The following KANSL1L variants were observed in gnomAD, a reference collection of about 807,000 sequenced individuals.
The protein encoded by KANSL1L is KAT8 regulatory NSL complex subunit 1 like, also known as KAT8 regulatory NSL complex subunit 1-like protein.
KANSL1L carries 25 observed loss-of-function variants against 108.6 expected under a neutral mutation model. That is an observed-to-expected ratio of 0.23 (90% CI 0.17 to 0.32). KANSL1L has a LOEUF of 0.32. Among genes scored for constraint, KANSL1L ranks in the 10% least tolerant of loss-of-function variants. The pLI, the probability that KANSL1L is intolerant of heterozygous loss-of-function variation, is 1.00. For missense variants in KANSL1L, 1,137 were observed against 1,125.7 expected (o/e 1.01, Z -0.14); for synonymous variants, 405 against 395.1 (o/e 1.03, Z -0.30).
chr2:210,151,760 A>G (rs1252128931), intron 2 of KANSL1L: 1 of 152,230 alleles, frequency 6.6e-6, no homozygotes, highest in Non-Finnish European at 1.5e-5. Context: ...GCCAGCCAGA[A>G]AAATAATCTG....
intron 10 of KANSL1L, 92 bp from the exon 11 acceptor site, chr2:210,029,061 C>T (rs1414103297): frequency 3.9e-5 from 42 of 1,071,774 alleles, no homozygotes; most frequent in African/African-American, 6.6e-5. Flanking sequence ...TGGCAGTACA[C>T]GTTACATAAT....
At chr2:210,116,046 G>A (rs1028301464) in intron 3 of KANSL1L, among the ~76,000 whole-genome samples, 6 of 152,202 alleles carry the variant, frequency 3.9e-5, no homozygotes, top group East Asian at 3.9e-4. Context: ...CTGGTCCAGA[G>A]GGGAGCCCAC....
At chr2:210,043,498 C>T (rs2723214) in intron 7 of KANSL1L, 57,904 of 153,384 alleles carry the variant, frequency 0.38, 12,669 homozygotes, top group Middle Eastern at 0.55. Flanking sequence ...CTTATAGGTA[C>T]GCAGTTTTCT....
chr2:210,101,391 C>T (rs1185366729), intron 4 of KANSL1L, among the ~76,000 whole-genome samples: 5 of 152,026 alleles, frequency 3.3e-5, no homozygotes, highest in African/African-American at 1.2e-4. Context: ...CTGGGGATAT[C>T]AAGGAGAAAG....
chr2:210,041,280 A>C (rs2094161061), intron 7 of KANSL1L, among the ~76,000 whole-genome samples: 1 of 152,212 alleles, frequency 6.6e-6, no homozygotes, highest in Non-Finnish European at 1.5e-5. Flanking sequence ...CATCTTAAAA[A>C]GCATTTATTA....
intron 1 of KANSL1L, among the ~76,000 whole-genome samples, chr2:210,169,442 C>T (rs1263360597): frequency 6.6e-6 from 1 of 152,128 alleles, no homozygotes; most frequent in African/African-American, 2.4e-5. Context: ...AGGAAAAATA[C>T]ACATATATGC....
intron 2 of KANSL1L, among the ~76,000 whole-genome samples, chr2:210,131,218 T>G (rs1194192790): frequency 1.3e-5 from 2 of 152,094 alleles, no homozygotes; most frequent in Non-Finnish European, 2.9e-5. Flanking sequence ...ACCATTGAGA[T>G]TAGGATGCTA....
At chr2:210,025,931 C>T (rs754744398) in intron 12 of KANSL1L, among the ~76,000 whole-genome samples, 1 of 152,120 alleles carries the variant, frequency 6.6e-6, no homozygotes, top group Admixed American at 6.6e-5. Context: ...TAGCTTAGTA[C>T]CAGTAGTCTT....
chr2:210,093,222 T>G (rs1360261588), intron 5 of KANSL1L, among the ~76,000 whole-genome samples: 1 of 152,228 alleles, frequency 6.6e-6, no homozygotes, highest in Non-Finnish European at 1.5e-5. Flanking sequence ...CTTGGCTCAC[T>G]GCAACCTCAG....
chr2:210,159,005 T>C (rs968426386), intron 1 of KANSL1L, among the ~76,000 whole-genome samples: 6 of 152,214 alleles, frequency 3.9e-5, no homozygotes, highest in African/African-American at 1.4e-4. Context: ...TTTTGAACAG[T>C]TTTGTTAACT....
intron 2 of KANSL1L, among the ~76,000 whole-genome samples, chr2:210,140,832 T>C (rs1259769063): frequency 6.6e-6 from 1 of 151,976 alleles, no homozygotes; most frequent in Non-Finnish European, 1.5e-5. Context: ...CATGTTTAGT[T>C]GTTGGTGTAC....
intron 2 of KANSL1L, among the ~76,000 whole-genome samples, chr2:210,146,957 C>A (rs1270215697): frequency 1.3e-5 from 2 of 152,076 alleles, no homozygotes; most frequent in Admixed American, 1.3e-4. Context: ...CAGCTAAAGT[C>A]TGTAGATATA....
intron 5 of KANSL1L, among the ~76,000 whole-genome samples, chr2:210,082,226 T>C (rs2094596357): frequency 2.6e-5 from 4 of 152,246 alleles, no homozygotes; most frequent in Admixed American, 1.3e-4. Context: ...AATACTGTAA[T>C]GCTGATAATT....
chr2:210,056,071 T>C (rs893026473), intron 6 of KANSL1L, among the ~76,000 whole-genome samples: 1 of 152,204 alleles, frequency 6.6e-6, no homozygotes, highest in Non-Finnish European at 1.5e-5. Context: ...TGTGCAGCCT[T>C]GGGGTGTGGT....
At chr2:210,140,515 T>C (rs765664360) in intron 2 of KANSL1L, among the ~76,000 whole-genome samples, 63 of 152,222 alleles carry the variant, frequency 4.1e-4, no homozygotes, top group Non-Finnish European at 2.1e-4. Context: ...TAGGCATATG[T>C]GTGTTTTTAA....
At chr2:210,050,352 T>C (rs561022911) in intron 6 of KANSL1L, among the ~76,000 whole-genome samples, 1 of 152,168 alleles carries the variant, frequency 6.6e-6, no homozygotes, top group South Asian at 2.1e-4. Flanking sequence ...TCTAAGCACT[T>C]CTAATTAAAA....
chr2:210,089,023 G>T (rs1485991475), intron 5 of KANSL1L: 1 of 169,568 alleles, frequency 5.9e-6, no homozygotes, highest in Non-Finnish European at 1.3e-5. Flanking sequence ...ATCTGTGTTT[G>T]CCCTGATGAA....
In KANSL1L at chr2:210,030,293, G is replaced by T. The variant is rs1282740896; in HGVS notation, c.2156-375C>A. On this transcript the variant is annotated intron_variant, in intron 9 of 14. Transcript: ENST00000281772. Reference sequence around the variant, plus strand: ...GACTTTTTATCCTAATTTATGTGAGGTATCTGTCCTTGGTCTTCTGAACAC... The same window carrying T: ...GACTTTTTATCCTAATTTATGTGAGTTATCTGTCCTTGGTCTTCTGAACAC... Among the ~76,000 whole-genome samples the T allele has an allele frequency of 2.0e-5, 3 of 151,502 alleles. No individual in the cohort carries two copies. The East Asian group carries it at 5.8e-4, about 29-fold the overall frequency.
intron 3 of KANSL1L, among the ~76,000 whole-genome samples, chr2:210,116,194 C>T (rs1369656068): frequency 1.3e-5 from 2 of 152,162 alleles, no homozygotes; most frequent in African/African-American, 4.8e-5. Flanking sequence ...TGGGAAGGGA[C>T]TGCTCTGCTT....
Sources: allele counts gnomAD v4.1 joint callset (sites outside exome capture counted in the v4.1 genomes callset), GRCh38; gene constraint gnomAD v4.1.1; transcripts MANE v1.5; gene names NCBI Gene and HGNC (gene_info 2026-07-23, HGNC 2026-07-21).